BMERB1: variants seen among roughly 807,000 people sequenced by gnomAD.
The protein encoded by BMERB1 is bMERB domain containing 1.
BMERB1 carries 12 observed loss-of-function variants against 23.6 expected under a neutral mutation model. The ratio of observed to expected loss-of-function variants is 0.51; its 90% CI spans 0.33 to 0.82. BMERB1 has a LOEUF of 0.82. Among genes scored for constraint, BMERB1 ranks in the 40% least tolerant of loss-of-function variants. The pLI is 0.03. For missense variants in BMERB1, 247 were observed against 255.4 expected (o/e 0.97, Z 0.22); for synonymous variants, 122 against 96.6 (o/e 1.26, Z -1.54).
At chr16:15,435,759 G>A (rs985122280) in intron 1 of BMERB1, among the ~76,000 whole-genome samples, 2 of 152,192 alleles carry the variant, frequency 1.3e-5, no homozygotes, top group African/African-American at 4.8e-5. Context: ...AAAATTGTGT[G>A]TGCGCGCTTT....
intron 1 of BMERB1, among the ~76,000 whole-genome samples, chr16:15,448,476 A>G (rs1449125010): frequency 6.6e-5 from 10 of 152,164 alleles, no homozygotes; most frequent in African/African-American, 1.9e-4. Context: ...AAACCCTGTC[A>G]TTAGCCTGAG....
chr16:15,493,982 G>A (rs2051448285), intron 1 of BMERB1, among the ~76,000 whole-genome samples: 1 of 152,182 alleles, frequency 6.6e-6, no homozygotes, highest in Admixed American at 6.5e-5. Flanking sequence ...ATCCTTGCGT[G>A]ACCTGGGCCC....
intron 1 of BMERB1, among the ~76,000 whole-genome samples, chr16:15,450,596 G>A (rs989221786): frequency 2.6e-5 from 4 of 151,938 alleles, no homozygotes; most frequent in African/African-American, 9.7e-5. Flanking sequence ...TCAGCCTCCC[G>A]AGTAGCCGGG....
At chr16:15,438,921 C>A (rs927209066) in intron 1 of BMERB1, among the ~76,000 whole-genome samples, 1 of 152,170 alleles carries the variant, frequency 6.6e-6, no homozygotes, top group African/African-American at 2.4e-5. Flanking sequence ...TATGGCATGA[C>A]AATTGCCAAG....
intron 1 of BMERB1, among the ~76,000 whole-genome samples, chr16:15,450,673 G>T (rs1298279336): frequency 1.3e-5 from 2 of 152,098 alleles, no homozygotes; most frequent in African/African-American, 4.8e-5. Flanking sequence ...GTTTTACCAT[G>T]TTGTTGAGGC....
At chr16:15,481,217 TA>T (rs1269003367) in intron 1 of BMERB1, among the ~76,000 whole-genome samples, 10 of 148,404 alleles carry the variant, frequency 6.7e-5, no homozygotes, top group South Asian at 6.4e-4. Context: ...CCATTTCTGC[TA>T]AAAAAAAAAT....
At position 15,457,826 on chromosome 16, in the gene BMERB1, G is replaced by A. The variant is rs558058575; in HGVS notation, c.106+23067G>A. On this transcript the variant is annotated intron_variant, in intron 1 of 5. Transcript: ENST00000300006. ...GATTGGGTAATTTATAAAGGAAAGAGGTTTAATTGACTCACAGTTCCGCAT... is the reference window on the plus strand; with the variant it reads ...GATTGGGTAATTTATAAAGGAAAGAAGTTTAATTGACTCACAGTTCCGCAT... Among the ~76,000 whole-genome samples the A allele has an allele frequency of 2.0e-5, 3 of 152,282 alleles. No homozygotes were observed. The South Asian group carries it at 6.2e-4, about 32-fold the overall frequency.
chr16:15,577,531 T>C (rs2030896896), intron 3 of BMERB1, among the ~76,000 whole-genome samples: 1 of 152,184 alleles, frequency 6.6e-6, no homozygotes, highest in South Asian at 2.1e-4. Context: ...TTAACAAGTT[T>C]TAGAGCAGGA....
At chr16:15,522,450 C>G (rs1297557600) in intron 2 of BMERB1, among the ~76,000 whole-genome samples, 4 of 151,818 alleles carry the variant, frequency 2.6e-5, no homozygotes, top group Admixed American at 2.0e-4. Flanking sequence ...CACACACACA[C>G]ACACGGAAAG....
intron 2 of BMERB1, among the ~76,000 whole-genome samples, chr16:15,540,125 C>T (rs768505236): frequency 3.4e-4 from 52 of 151,880 alleles, no homozygotes; most frequent in Non-Finnish European, 6.0e-4. Context: ...CCAACTTGGA[C>T]GACAGAGTGA....
chr16:15,476,873 C>T (rs1276222541), intron 1 of BMERB1, among the ~76,000 whole-genome samples: 1 of 152,242 alleles, frequency 6.6e-6, no homozygotes, highest in Non-Finnish European at 1.5e-5. Context: ...AGCATCACCA[C>T]CTGCTTCTGC....
chr16:15,532,628 C>T (rs2051980564), intron 2 of BMERB1, among the ~76,000 whole-genome samples: 1 of 146,518 alleles, frequency 6.8e-6, no homozygotes, highest in Non-Finnish European at 1.5e-5. Context: ...TCACTGCAAG[C>T]TCTGCCTCCC....
intron 2 of BMERB1, among the ~76,000 whole-genome samples, chr16:15,566,956 G>A (rs2030583566): frequency 6.6e-6 from 1 of 152,068 alleles, no homozygotes; most frequent in Non-Finnish European, 1.5e-5. Flanking sequence ...GCTGAGGTGG[G>A]AGGATTGCTT....
At chr16:15,505,679 G>A (rs1598478297) in intron 1 of BMERB1, among the ~76,000 whole-genome samples, 1 of 152,174 alleles carries the variant, frequency 6.6e-6, no homozygotes, top group East Asian at 1.9e-4. Flanking sequence ...CATGAGGTCA[G>A]GAGATCGAGA....
intron 1 of BMERB1, among the ~76,000 whole-genome samples, 194 bp downstream of exon 1, chr16:15,434,953 C>T (rs1035172575): frequency 6.6e-6 from 1 of 152,264 alleles, no homozygotes; most frequent in African/African-American, 2.4e-5. Context: ...GGGGGACCCT[C>T]CGGGCTGAGC....
intron 1 of BMERB1, among the ~76,000 whole-genome samples, chr16:15,480,458 C>T (rs1287726583): frequency 6.6e-6 from 1 of 151,864 alleles, no homozygotes; most frequent in Non-Finnish European, 1.5e-5. Flanking sequence ...ACCAGTTTCT[C>T]CAGTAGCTGA....
At chr16:15,570,780 A>T (rs570038091) in intron 3 of BMERB1, among the ~76,000 whole-genome samples, 28 of 151,970 alleles carry the variant, frequency 1.8e-4, no homozygotes, top group African/African-American at 6.8e-4. Flanking sequence ...TAGATTATTC[A>T]TGAGTTTTCT....
intron 1 of BMERB1, among the ~76,000 whole-genome samples, chr16:15,480,246 G>A (rs1048942136): frequency 6.6e-6 from 1 of 150,762 alleles, no homozygotes; most frequent in East Asian, 2.0e-4. Flanking sequence ...CCAAGTAGCT[G>A]GACTACAGGC....
At chr16:15,525,706 G>GAAA (rs772716993) in intron 2 of BMERB1, among the ~76,000 whole-genome samples, 6 of 116,782 alleles carry the variant, frequency 5.1e-5, no homozygotes, top group Non-Finnish European at 9.6e-5. Context: ...TCCCATCTCA[G>GAAA]AAAAAAAAAA....
Sources: allele counts gnomAD v4.1 joint callset (sites outside exome capture counted in the v4.1 genomes callset), GRCh38; gene constraint gnomAD v4.1.1; transcripts MANE v1.5; gene names NCBI Gene and HGNC (gene_info 2026-07-23, HGNC 2026-07-21).